FLT3: variants seen among roughly 807,000 people sequenced by gnomAD.
The protein encoded by FLT3 is fms related receptor tyrosine kinase 3, also known as receptor-type tyrosine-protein kinase FLT3.
Under a neutral mutation model 126.6 loss-of-function variants are expected in FLT3, and 46 were observed. That is an observed-to-expected ratio of 0.36 (90% confidence interval 0.29 to 0.46). FLT3 has a LOEUF of 0.46. Ranked by LOEUF, FLT3 falls within the 20% of genes least tolerant of loss-of-function variation. The pLI is 1.00. For missense variants in FLT3, 1,069 were observed against 1,190.3 expected (o/e 0.90, Z 1.50); for synonymous variants, 404 against 434.4 (o/e 0.93, Z 0.87).
At position 28,062,842 on chromosome 13, in the gene FLT3, C is replaced by T. The variant is rs528451760; in HGVS notation, c.166-773G>A. 6.6e-5 allele frequency among the ~76,000 whole-genome samples: 10 copies of T among 151,808 alleles called. No individual in the cohort carries two copies. The East Asian group carries it at 1.4e-3, about 21-fold the overall frequency. ...GCCATCTTCCAACCAAGGAGAGAGG[C>T]CTGGAGCAGATTCTTGCTCACTGCC... On this transcript the variant is annotated intron_variant, in intron 2 of 23. Transcript: ENST00000241453.
At chr13:28,039,569 G>T (rs1874161584) in intron 9 of FLT3, among the ~76,000 whole-genome samples, 1 of 111,554 alleles carries the variant, frequency 9.0e-6, no homozygotes, top group African/African-American at 3.6e-5. Context: ...TTTTTTTTGA[G>T]ATGGAGTCTC....
At position 28,073,747 on chromosome 13, in the gene FLT3, G is replaced by C. The variant is rs1374509119; in HGVS notation, c.44-3135C>G. On this transcript the variant is annotated intron_variant, in intron 1 of 23. Coordinates refer to ENST00000241453, the MANE Select transcript of FLT3 (RefSeq NM_004119.3). ...CCAGGAGTTAGAGACCAGGCTGAGA[G>C]ATAGAGTGAAACCCCATCTCTACAA... 2.0e-5 allele frequency among the ~76,000 whole-genome samples: 3 copies of C among 151,464 alleles called. No individual in the cohort carries two copies. In the East Asian group the frequency reaches 5.8e-4, roughly 30 times the overall value.
At position 28,100,369 on chromosome 13, in the gene FLT3, C is replaced by T. The variant is rs1327623791; in HGVS notation, c.43+99G>A. On this transcript the variant is annotated intron_variant, in intron 1 of 23. Coordinates refer to ENST00000241453, the MANE Select transcript of FLT3 (RefSeq NM_004119.3). The surrounding 1 kb of genome is among the most constrained non-coding windows in gnomAD (Gnocchi z 4.8). ...TGGAAGGAGCGAGCGCGGGGAGGAG[C>T]GAGGCGGCTGGGCCGGAGGAGGCGC... 2 of 833,852 alleles carry T rather than the reference C, an allele frequency of 2.4e-6. No homozygotes were observed. The highest frequency in any genetic ancestry group is 4.5e-5 in the Admixed American group (1 of 22,316). The allele number at this position is 833,852 out of a possible 1,614,324, so 51.7% of individuals were successfully genotyped here.
chr13:28,057,694 G>A (rs1876132216), intron 3 of FLT3, among the ~76,000 whole-genome samples: 1 of 152,020 alleles, frequency 6.6e-6, no homozygotes, highest in African/African-American at 2.4e-5. Context: ...CTCCATTCCG[G>A]TGCCATCATC....
At chr13:28,027,034 A>C (rs531464099) in intron 17 of FLT3, 54 bp downstream of exon 17, 1 of 1,520,210 alleles carries the variant, frequency 6.6e-7, no homozygotes, top group African/African-American at 1.4e-5. Context: ...TGAACAGCAC[A>C]CTTTGCCTAC....
chr13:28,008,072 C>T (rs547680598), intron 23 of FLT3, among the ~76,000 whole-genome samples: 42 of 151,740 alleles, frequency 2.8e-4, no homozygotes, highest in East Asian at 1.4e-3. Context: ...AGGCTAGGTG[C>T]GGTGGCTCAC....
At chr13:28,032,973 C>T (rs1034567697) in intron 15 of FLT3, among the ~76,000 whole-genome samples, 10 of 152,064 alleles carry the variant, frequency 6.6e-5, no homozygotes, top group African/African-American at 9.7e-5. Flanking sequence ...TGGGGCTGGA[C>T]GCCAGATCGG....
intron 1 of FLT3, among the ~76,000 whole-genome samples, chr13:28,096,501 A>G (rs1879460268): frequency 6.6e-6 from 1 of 151,902 alleles, no homozygotes; most frequent in Non-Finnish European, 1.5e-5. Context: ...CAATGGCGCA[A>G]TCTTGGCTCA....
At chr13:28,016,965 C>T (rs760409472) in intron 20 of FLT3, among the ~76,000 whole-genome samples, 22 of 152,248 alleles carry the variant, frequency 1.4e-4, no homozygotes, top group Non-Finnish European at 3.1e-4. Flanking sequence ...CCCACATCAA[C>T]GCTATGAGGT....
In FLT3 at chr13:28,027,514, T is replaced by C. The variant is rs61944199; in HGVS notation, c.2054-273A>G. On this transcript the variant is annotated intron_variant, in intron 16 of 23. Coordinates refer to ENST00000241453, the MANE Select transcript of FLT3 (RefSeq NM_004119.3). ...ACCACTGGCCTCCTGGATTCTCCAGTTGGCAACTGAAAGTAATGTTCTAGC... is the reference window on the plus strand; with the variant it reads ...ACCACTGGCCTCCTGGATTCTCCAGCTGGCAACTGAAAGTAATGTTCTAGC... 0.16 allele frequency among the ~76,000 whole-genome samples: 23,700 copies of C among 152,284 alleles called. 2,150 individuals carry two copies. The highest frequency in any genetic ancestry group is 0.23 in the Admixed American group (3,513 of 15,282).
chr13:28,078,211 C>A (rs1205492135), intron 1 of FLT3, among the ~76,000 whole-genome samples: 2 of 152,218 alleles, frequency 1.3e-5, no homozygotes, highest in Non-Finnish European at 2.9e-5. Flanking sequence ...TGTGTGGGGG[C>A]TCCGACCCCA....
At chr13:28,016,344 T>C (rs1871855752) in intron 20 of FLT3, among the ~76,000 whole-genome samples, 4 of 152,008 alleles carry the variant, frequency 2.6e-5, no homozygotes, top group Admixed American at 2.6e-4. Flanking sequence ...TATCTCAGCT[T>C]ACTGCAACCT....
chr13:28,021,843 T>C (rs111523582), intron 19 of FLT3, among the ~76,000 whole-genome samples: 5,504 of 151,248 alleles, frequency 0.036, 214 homozygotes, highest in South Asian at 0.18. Context: ...CCCAGGTTCA[T>C]GCCATTCTCC....
At chr13:28,079,978 A>C (rs1199424401) in intron 1 of FLT3, among the ~76,000 whole-genome samples, 1 of 152,166 alleles carries the variant, frequency 6.6e-6, no homozygotes, top group Admixed American at 6.6e-5. Context: ...TCTTGTAGGA[A>C]CTAGTAAAAT....
At chr13:28,056,080 C>A (rs1180753320) in intron 4 of FLT3, among the ~76,000 whole-genome samples, 1 of 152,082 alleles carries the variant, frequency 6.6e-6, no homozygotes, top group Non-Finnish European at 1.5e-5. Context: ...CTTACTCCAC[C>A]CCCAACCCCA....
chr13:28,008,360 T>C (rs769310243), intron 23 of FLT3, among the ~76,000 whole-genome samples: 11 of 152,040 alleles, frequency 7.2e-5, no homozygotes, highest in African/African-American at 2.2e-4. Context: ...AATTTAGAAT[T>C]ATGAATTTGG....
At chr13:28,089,739 T>G in intron 1 of FLT3, among the ~76,000 whole-genome samples, 1 of 63,992 alleles carries the variant, frequency 1.6e-5, no homozygotes, top group East Asian at 3.6e-4. Flanking sequence ...ATGAGGGAAC[T>G]TTTTTTTTTT....
chr13:28,077,574 G>A (rs569207922), intron 1 of FLT3, among the ~76,000 whole-genome samples: 5 of 152,184 alleles, frequency 3.3e-5, no homozygotes, highest in African/African-American at 7.2e-5. Context: ...GGAATTCTGC[G>A]AGATACAATT....
intron 19 of FLT3, among the ~76,000 whole-genome samples, chr13:28,022,381 A>G (rs1872472881): frequency 6.6e-6 from 1 of 152,028 alleles, no homozygotes. Flanking sequence ...GCATGCTGGT[A>G]TGCACCCGTG....
Sources: gnomAD v4.1 joint callset for allele counts (sites outside exome capture counted in the v4.1 genomes callset) on GRCh38, gnomAD v4.1.1 for gene constraint, Gnocchi (gnomAD v3.1) non-coding constraint, MANE v1.5 for transcripts, NCBI Gene and HGNC (gene_info 2026-07-23, HGNC 2026-07-21) for gene names.